Variants in CEP128 observed in about 807,000 individuals in gnomAD.
CEP128 encodes the protein centrosomal protein 128kDa.
Under a neutral mutation model 156.7 loss-of-function variants are expected in CEP128, and 132 were observed. The ratio of observed to expected loss-of-function variants is 0.84; its 90% CI spans 0.73 to 0.97. CEP128 has a LOEUF of 0.97. Ranked by LOEUF, CEP128 falls within the 50% of genes least tolerant of loss-of-function variation. The probability of loss-of-function intolerance (pLI) is 0.00; values close to 1 mark genes in which losing one functional copy is unlikely to be tolerated. For synonymous variants in CEP128, 469 were observed against 448.9 expected (o/e 1.04, Z -0.57); for missense variants, 1,252 against 1,281.9 (o/e 0.98, Z 0.36).
intron 9 of CEP128, among the ~76,000 whole-genome samples, chr14:80,851,199 G>A (rs1239121683): frequency 6.6e-6 from 1 of 152,006 alleles, no homozygotes; most frequent in African/African-American, 2.4e-5. Context: ...CAGAAACAAG[G>A]GTAAACGAGA....
At chr14:80,704,436 G>A (rs1417976964) in intron 19 of CEP128, among the ~76,000 whole-genome samples, 5 of 151,600 alleles carry the variant, frequency 3.3e-5, no homozygotes, top group African/African-American at 4.8e-5. Flanking sequence ...AGAGGAAGAC[G>A]TATACACATT....
chr14:80,818,711 A>G (rs540720427), intron 13 of CEP128, among the ~76,000 whole-genome samples: 20 of 152,354 alleles, frequency 1.3e-4, no homozygotes, highest in African/African-American at 4.8e-4. Context: ...TAAATTAAAC[A>G]CCCATCTGAG....
chr14:80,703,815 T>G (rs2139374260), intron 19 of CEP128, among the ~76,000 whole-genome samples: 1 of 152,148 alleles, frequency 6.6e-6, no homozygotes, highest in South Asian at 2.1e-4. Flanking sequence ...GTGTGTGTAT[T>G]TAGTTTCATG....
At chr14:80,625,569 A>G (rs146248201) in intron 19 of CEP128, among the ~76,000 whole-genome samples, 8 of 152,180 alleles carry the variant, frequency 5.3e-5, no homozygotes, top group East Asian at 1.9e-4. Flanking sequence ...AAAAATATCA[A>G]TTCTTGCAAT....
At chr14:80,618,717 C>CTGAG (rs1566814578) in intron 19 of CEP128, among the ~76,000 whole-genome samples, 1 of 152,168 alleles carries the variant, frequency 6.6e-6, no homozygotes, top group Non-Finnish European at 1.5e-5. Context: ...GACACTGGAA[C>CTGAG]TGAGATTCCT....
At chr14:80,503,006 G>C (rs1250126695) in intron 24 of CEP128, among the ~76,000 whole-genome samples, 1 of 152,050 alleles carries the variant, frequency 6.6e-6, no homozygotes, top group Non-Finnish European at 1.5e-5. Context: ...TTACTTGAAA[G>C]TAATTAATGA....
At chr14:80,711,228 T>A (rs1341649784) in intron 19 of CEP128, among the ~76,000 whole-genome samples, 1 of 152,012 alleles carries the variant, frequency 6.6e-6, no homozygotes, top group Non-Finnish European at 1.5e-5. Context: ...TTGCCCTTTT[T>A]CTTCCCAATG....
chr14:80,825,518 C>T (rs1412825636), intron 13 of CEP128, among the ~76,000 whole-genome samples: 1 of 152,096 alleles, frequency 6.6e-6, no homozygotes, highest in Non-Finnish European at 1.5e-5. Flanking sequence ...TGACCACATT[C>T]AAATGACAAA....
At chr14:80,739,057 A>T (rs1898676573) in intron 19 of CEP128, among the ~76,000 whole-genome samples, 1 of 152,226 alleles carries the variant, frequency 6.6e-6, no homozygotes, top group Non-Finnish European at 1.5e-5. Flanking sequence ...AACGCAGGTC[A>T]TGCCAAAGTT....
chr14:80,744,336 T>C (rs1387455243), intron 18 of CEP128, among the ~76,000 whole-genome samples: 1 of 152,084 alleles, frequency 6.6e-6, no homozygotes, highest in Non-Finnish European at 1.5e-5. Flanking sequence ...TGTAGGAAAA[T>C]CATGCTTTTG....
chr14:80,727,502 T>C (rs1898063493), intron 19 of CEP128, among the ~76,000 whole-genome samples: 2 of 152,040 alleles, frequency 1.3e-5, no homozygotes, highest in South Asian at 2.1e-4. Flanking sequence ...CCAAAAGCAA[T>C]TGCAATGAAA....
intron 19 of CEP128, among the ~76,000 whole-genome samples, chr14:80,703,381 T>G (rs1299850417): frequency 6.6e-6 from 1 of 152,060 alleles, no homozygotes; most frequent in Non-Finnish European, 1.5e-5. Flanking sequence ...TTAAGACTTT[T>G]AGCAAAATTT....
chr14:80,699,901 C>T (rs577769512), intron 19 of CEP128, among the ~76,000 whole-genome samples: 115 of 152,186 alleles, frequency 7.6e-4, no homozygotes, highest in African/African-American at 2.5e-3. Context: ...ATGCCTGCAG[C>T]GTGTCTCCCT....
intron 15 of CEP128, among the ~76,000 whole-genome samples, chr14:80,783,513 C>G (rs1033415530): frequency 1.3e-5 from 2 of 152,084 alleles, no homozygotes; most frequent in Admixed American, 6.6e-5. Context: ...GAGCAGTGAC[C>G]GGCACAAAAT....
At chr14:80,841,528 T>C (rs1480791856) in intron 9 of CEP128, among the ~76,000 whole-genome samples, 1 of 152,092 alleles carries the variant, frequency 6.6e-6, no homozygotes, top group Non-Finnish European at 1.5e-5. Context: ...AACAATATTA[T>C]CATGCTTTTA....
chr14:80,548,142 G>GGA (rs1555373619), intron 21 of CEP128, among the ~76,000 whole-genome samples: 2 of 150,140 alleles, frequency 1.3e-5, no homozygotes, highest in African/African-American at 2.4e-5. Flanking sequence ...GCCCAATCAT[G>GGA]AAAAAAAAAT....
rs552987029 is a variant in CEP128 at position 80,621,931 on chromosome 14, A to T, written c.2807-41508T>A. On this transcript the variant is annotated intron_variant, in intron 19 of 24. Transcript: ENST00000555265. ...ACAGCCCCAAGAGAATGAAGGCTAA[A>T]ATTAGACCTTTTGGCTTTTGGTTTG... Among the ~76,000 whole-genome samples, 331 of 152,264 alleles carry T rather than the reference A, an allele frequency of 2.2e-3. 2 individuals are homozygous for T. Among genetic ancestry groups the T allele is most frequent in the Non-Finnish European group, 2.5e-3 (173 of 68,010 alleles).
intron 19 of CEP128, among the ~76,000 whole-genome samples, chr14:80,601,196 C>G (rs979974481): frequency 5.3e-5 from 8 of 151,858 alleles, no homozygotes; most frequent in African/African-American, 1.9e-4. Flanking sequence ...AGACATAAAA[C>G]AAATACAAAC....
At chr14:80,647,247 G>C (rs1000379782) in intron 19 of CEP128, among the ~76,000 whole-genome samples, 4 of 150,882 alleles carry the variant, frequency 2.7e-5, no homozygotes, top group African/African-American at 9.7e-5. Context: ...CTGTGCCTAA[G>C]TTTCTTGCAA....
Sources: allele counts gnomAD v4.1 joint callset (sites outside exome capture counted in the v4.1 genomes callset), GRCh38; gene constraint gnomAD v4.1.1; transcripts MANE v1.5; gene names NCBI Gene and HGNC (gene_info 2026-07-23, HGNC 2026-07-21).